DCP1B: variants seen among roughly 807,000 people sequenced by gnomAD.
The protein encoded by DCP1B is mRNA-decapping enzyme 1B.
DCP1B carries 47 observed loss-of-function variants against 60.5 expected under a neutral mutation model. That is an observed-to-expected ratio of 0.78 (90% CI 0.61 to 0.99). The LOEUF is 0.99. DCP1B is among the 50% of genes least tolerant of loss of function. The pLI, the probability that DCP1B is intolerant of heterozygous loss-of-function variation, is 0.00. For missense variants in DCP1B, 725 were observed against 756.8 expected (o/e 0.96, Z 0.49); for synonymous variants, 267 against 280.3 (o/e 0.95, Z 0.47).
At chr12:1,983,669 C>G (rs945699870) in intron 3 of DCP1B, among the ~76,000 whole-genome samples, 4 of 151,956 alleles carry the variant, frequency 2.6e-5, no homozygotes, top group Non-Finnish European at 5.9e-5. Context: ...GAATGTTTCA[C>G]GTGCACTTGA....
downstream of DCP1B, among the ~76,000 whole-genome samples, chr12:1,944,754 C>T (rs1287991026): frequency 6.6e-6 from 1 of 152,014 alleles, no homozygotes; most frequent in Non-Finnish European, 1.5e-5. Context: ...AAACTGGACC[C>T]CTTCCTTACA....
chr12:1,953,055 C>T lies in DCP1B; in HGVS notation c.885G>A (p.Gln295=), dbSNP rs755696639. ...PIEKQLCPAI[Q]KLMVRSADLH... is the part of the protein sequence containing the mutation. ...GGTCTGCGCTCCTGACCATGAGTTT[C>T]TGAATGGCTGGACAGAGCTGCTTCT... Residue 295 remains glutamine, a synonymous_variant, in exon 7 of 9, where the codon CAG becomes CAA. Coordinates refer to ENST00000280665, the MANE Select transcript of DCP1B (RefSeq NM_152640.5). 5 of 1,614,162 alleles carry T rather than the reference C, an allele frequency of 3.1e-6. No homozygotes were observed. In the Admixed American group the frequency reaches 8.3e-5, roughly 27 times the overall value.
chr12:1,945,627 C>T (rs1172236591), downstream of DCP1B, among the ~76,000 whole-genome samples: 3 of 152,184 alleles, frequency 2.0e-5, no homozygotes, highest in Non-Finnish European at 4.4e-5. Flanking sequence ...GACTTGGAAC[C>T]AACCCAAATG....
intron 5 of DCP1B, among the ~76,000 whole-genome samples, chr12:1,958,562 G>T (rs528230113): frequency 9.5e-4 from 141 of 148,066 alleles, no homozygotes; most frequent in Non-Finnish European, 1.2e-3. Context: ...CCTCCTGGAA[G>T]AAGACAGGGG....
chr12:1,966,167 T>C (rs897928997), intron 4 of DCP1B: 1 of 152,380 alleles, frequency 6.6e-6, no homozygotes, highest in Non-Finnish European at 1.5e-5. Flanking sequence ...AAACCCAATT[T>C]AGAGTTCTGA....
intron 4 of DCP1B, among the ~76,000 whole-genome samples, chr12:1,966,852 A>G (rs956740665): frequency 1.3e-5 from 2 of 152,218 alleles, no homozygotes; most frequent in Admixed American, 1.3e-4. Context: ...CTCATCTCTT[A>G]AAAGGTGCTC....
intron 3 of DCP1B, among the ~76,000 whole-genome samples, chr12:1,989,076 T>C (rs1044523364): frequency 5.9e-5 from 9 of 152,228 alleles, no homozygotes; most frequent in African/African-American, 2.2e-4. Flanking sequence ...TTCAACTTGT[T>C]GGCCTAGCTC....
chr12:2,004,449 CATAGG>C lies in DCP1B; in HGVS notation c.-23_-19del. The C allele has an allele frequency of 6.3e-7, 1 of 1,599,262 alleles. No individual in the cohort carries two copies. Among genetic ancestry groups the C allele is most frequent in the Non-Finnish European group, 8.5e-7 (1 of 1,173,172 alleles). On this transcript the variant is annotated 5_prime_UTR_variant, in exon 1 of 9. It removes an upstream start codon present in the reference 5' UTR. Transcript: ENST00000280665. Reference sequence around the variant, plus strand: ...GCTGCCATCTTCCCTCCCTCCCAGACATAGGCACGGGGCTCTTGGAAGCCACTCTC... The same window carrying C: ...GCTGCCATCTTCCCTCCCTCCCAGACCACGGGGCTCTTGGAAGCCACTCTC...
At chr12:1,998,049 T>C (rs1485515448) in intron 1 of DCP1B, 74 bp from the exon 2 acceptor site, 30 of 1,354,302 alleles carry the variant, frequency 2.2e-5, no homozygotes, top group Non-Finnish European at 5.1e-6. Context: ...CAAATTCTCA[T>C]AGAATAGGAA....
intron 5 of DCP1B, among the ~76,000 whole-genome samples, chr12:1,958,473 G>T (rs578231452): frequency 3.0e-5 from 3 of 100,300 alleles, no homozygotes; most frequent in South Asian, 7.3e-4. Context: ...CTGGGCAATG[G>T]CTTTTTCTAT....
In DCP1B at chr12:1,952,402, T is replaced by C. The variant is rs1592778906; in HGVS notation, c.1524+14A>G. On this transcript the variant is annotated intron_variant, in intron 7 of 8. Coordinates refer to ENST00000280665, the MANE Select transcript of DCP1B (RefSeq NM_152640.5). ...TGCCCAGGCTGTTTTATTTTGCCCC[T>C]GGTACATATTTACCTGGAAAAGAGG... The C allele has an allele frequency of 1.3e-6, 2 of 1,544,888 alleles. No homozygotes were observed. The highest frequency in any genetic ancestry group is 1.7e-6 in the Non-Finnish European group (2 of 1,146,356).
chr12:1,955,380 T>C, intron 6 of DCP1B, 52 bp downstream of exon 6: 1 of 1,566,376 alleles, frequency 6.4e-7, no homozygotes, highest in Non-Finnish European at 8.7e-7. Flanking sequence ...GGGTCAAAGT[T>C]CTTTAAGAAT....
intron 3 of DCP1B, chr12:1,970,842 T>A (rs10774009): frequency 3.5e-6 from 1 of 283,288 alleles, no homozygotes; most frequent in Non-Finnish European, 7.0e-6. Context: ...AAGAATCAAG[T>A]AAGAAGGTGT....
In DCP1B at chr12:1,981,047, T is replaced by G. The variant is rs202136794; in HGVS notation, c.319+12217A>C. ...TTGTTCACATAGATAAAACTAACAT[T>G]TTCCCACATTACATATCTCTTCCTT... On this transcript the variant is annotated intron_variant, in intron 3 of 8. Transcript: ENST00000280665. Among the ~76,000 whole-genome samples, 8 of 152,292 alleles carry G rather than the reference T, an allele frequency of 5.3e-5. No individual in the cohort carries two copies. The East Asian group carries it at 1.5e-3, about 29-fold the overall frequency.
intron 3 of DCP1B, among the ~76,000 whole-genome samples, chr12:1,969,809 T>A (rs1592806809): frequency 6.6e-6 from 1 of 152,100 alleles, no homozygotes; most frequent in African/African-American, 2.4e-5. Flanking sequence ...TAAATCTGAG[T>A]ATGTTTGCGT....
At chr12:1,976,547 T>G (rs1356384432) in intron 3 of DCP1B, among the ~76,000 whole-genome samples, 1 of 152,202 alleles carries the variant, frequency 6.6e-6, no homozygotes, top group Non-Finnish European at 1.5e-5. Context: ...ATGATGTGAA[T>G]GAGTCTACTT....
In DCP1B at chr12:1,952,412, T is replaced by C. The variant is rs1373267298; in HGVS notation, c.1524+4A>G. ...GTTTTATTTTGCCCCTGGTACATATTTACCTGGAAAAGAGGAGTCTGCTGT... is the reference window on the plus strand; with the variant it reads ...GTTTTATTTTGCCCCTGGTACATATCTACCTGGAAAAGAGGAGTCTGCTGT... On this transcript the variant is annotated splice_donor_region_variant and intron_variant, in intron 7 of 8. Transcript: ENST00000280665. 6.4e-7 allele frequency: 1 copy of C among 1,565,288 alleles called. No individual in the cohort carries two copies.
chr12:2,003,091 G>A (rs1295050471), intron 1 of DCP1B, among the ~76,000 whole-genome samples: 1 of 152,022 alleles, frequency 6.6e-6, no homozygotes, highest in Admixed American at 6.6e-5. Context: ...GCCCCATTCC[G>A]GCAAATTTCC....
At chr12:1,992,874 A>G (rs1230488287) in intron 3 of DCP1B, 4 of 455,302 alleles carry the variant, frequency 8.8e-6, no homozygotes, top group Non-Finnish European at 1.6e-5. Flanking sequence ...AAAGTGATAC[A>G]TAAAGAAAAA....
Sources: allele counts gnomAD v4.1 joint callset (sites outside exome capture counted in the v4.1 genomes callset), GRCh38; gene constraint gnomAD v4.1.1; transcripts MANE v1.5; gene names NCBI Gene and HGNC (gene_info 2026-07-23, HGNC 2026-07-21).